Variants in DENND6A observed in about 807,000 individuals in gnomAD.
DENND6A encodes DENN domain containing 6A.
In DENND6A, 43 loss-of-function variants were observed where a neutral mutation model predicts 95.5. That is an observed-to-expected ratio of 0.45 (90% CI 0.35 to 0.58). DENND6A has a LOEUF of 0.58. DENND6A is among the 20% of genes least tolerant of loss of function. DENND6A has a pLI of 0.00. For missense variants in DENND6A, 574 were observed against 736.0 expected, an observed-to-expected ratio of 0.78 and a Z score of 2.55; for synonymous variants, 257 against 260.4, an observed-to-expected ratio of 0.99 and a Z score of 0.13.
Position 57,692,818 on chromosome 3 carries a change from C to A in DENND6A, c.201G>T (p.Val67=). The change falls in exon 1 of 20, where the codon GTG becomes GTT. Residue 67 remains valine (V), a synonymous_variant. Transcript: ENST00000311128. ...GGCCCAGCTCCAGGTCGAAGCCCAC[C>A]ACACACACGCAGTGCAGCCAGGCGG... ...SFSAWLHCVC[V]VGFDLELGQA... 6.4e-7 allele frequency: 1 copy of A among 1,570,716 alleles called. No individual in the cohort carries two copies. Among genetic ancestry groups the A allele is most frequent in the Non-Finnish European group, 8.6e-7 (1 of 1,162,532 alleles).
Position 57,634,690 on chromosome 3 carries a change from A to G in DENND6A, c.1198+14T>C, listed in dbSNP as rs776859766. On this transcript the variant is annotated intron_variant, in intron 13 of 19. Transcript: ENST00000311128. ...CATATAAATATATATTTAAAAATCA[A>G]TAAAAGTCAATACCAGGTTTGGAAT... The G allele has an allele frequency of 3.9e-6, 6 of 1,526,968 alleles. No homozygotes were observed. The Admixed American group carries it at 1.0e-4, about 26-fold the overall frequency. 94.6% of individuals were successfully genotyped at this position (1,526,968 alleles called of 1,614,324 possible).
At chr3:57,645,002 C>T (rs1450743657) in intron 11 of DENND6A, among the ~76,000 whole-genome samples, 2 of 151,394 alleles carry the variant, frequency 1.3e-5, no homozygotes, top group East Asian at 3.9e-4. Flanking sequence ...TTTGTTGTTG[C>T]TTTAGAAATC....
intron 9 of DENND6A, among the ~76,000 whole-genome samples, chr3:57,648,512 AC>A (rs1287350170): frequency 3.3e-5 from 5 of 152,316 alleles, no homozygotes; most frequent in Non-Finnish European, 5.9e-5. Context: ...ACTAGAAAAA[AC>A]AATCCTAAAA....
Position 57,663,710 on chromosome 3 carries a change from G to A in DENND6A, c.439C>T (p.Pro147Ser). The change falls in exon 5 of 20, where the codon CCT becomes TCT. Residue 147 changes from proline to serine, a missense_variant. Physicochemically the swap from Pro to Ser is moderately conservative, Grantham distance 74. Around this residue, in one of 2 missense-constraint regions of DENND6A, gnomAD observed 452 missense variants for 630.9 expected, o/e 0.72. Transcript: ENST00000311128. ...KDLPVYLKKD[P>S]AYFYGYVYFR... ...TACACATATCCATAAAAATAAGCAG[G>A]ATCCTTCTAAGAAGAAAGTGACAAG... The A allele has an allele frequency of 1.9e-6, 3 of 1,569,836 alleles. No individual in the cohort carries two copies. Among genetic ancestry groups the A allele is most frequent in the Admixed American group, 3.6e-5 (2 of 55,888 alleles).
chr3:57,661,779 C>CA, intron 5 of DENND6A, among the ~76,000 whole-genome samples: 1 of 152,156 alleles, frequency 6.6e-6, no homozygotes, highest in Admixed American at 6.5e-5. Flanking sequence ...TCCTGCTCTT[C>CA]AAAAAAAGAA....
intron 12 of DENND6A, 60 bp from the exon 13 acceptor site, chr3:57,634,829 G>A: frequency 1.5e-6 from 2 of 1,346,130 alleles, no homozygotes; most frequent in South Asian, 3.2e-5. Flanking sequence ...TACAAAATTG[G>A]AACTTTATAA....
At chr3:57,649,056 G>A (rs1000389483) in intron 9 of DENND6A, among the ~76,000 whole-genome samples, 2 of 152,110 alleles carry the variant, frequency 1.3e-5, no homozygotes, top group African/African-American at 4.8e-5. Context: ...GAAATAATCA[G>A]CAGAGTAAAC....
At chr3:57,663,784 T>C (rs1468480605) in intron 4 of DENND6A, 68 bp from the exon 5 acceptor site, 1 of 875,876 alleles carries the variant, frequency 1.1e-6, no homozygotes, top group Admixed American at 2.9e-5. Flanking sequence ...TCTATATCCA[T>C]ATCTATATCT....
At chr3:57,636,071 G>A (rs1025142097) in intron 12 of DENND6A, among the ~76,000 whole-genome samples, 2 of 152,158 alleles carry the variant, frequency 1.3e-5, no homozygotes, top group African/African-American at 4.8e-5. Flanking sequence ...CAAAATGTGT[G>A]TTAATTGACT....
At chr3:57,672,836 T>G (rs997181547) in intron 1 of DENND6A, among the ~76,000 whole-genome samples, 2 of 151,454 alleles carry the variant, frequency 1.3e-5, no homozygotes, top group Non-Finnish European at 2.9e-5. Context: ...TCTAAAATAG[T>G]AGTTGGTTAT....
intron 6 of DENND6A, among the ~76,000 whole-genome samples, chr3:57,661,043 T>C (rs1050762882): frequency 1.3e-5 from 2 of 152,184 alleles, no homozygotes; most frequent in Non-Finnish European, 2.9e-5. Context: ...GGATATAAAT[T>C]GGTTAATTTA....
At chr3:57,630,310 A>G (rs1348714003) in intron 18 of DENND6A, 111 bp downstream of exon 18, 5 of 953,860 alleles carry the variant, frequency 5.2e-6, no homozygotes, top group Non-Finnish European at 7.5e-6. Flanking sequence ...AAAGTTAGTC[A>G]TCATTACTAT....
intron 1 of DENND6A, among the ~76,000 whole-genome samples, chr3:57,674,407 T>C (rs1238306819): frequency 1.4e-5 from 2 of 140,326 alleles, no homozygotes; most frequent in Non-Finnish European, 3.0e-5. Flanking sequence ...CCGAGGCAGG[T>C]GGATCACAAG....
At position 57,659,148 on chromosome 3, in the gene DENND6A, C is replaced by T. The variant is rs144403210; in HGVS notation, c.732G>A (p.Gly244=). The T allele has an allele frequency of 8.7e-6, 14 of 1,613,878 alleles. No homozygotes were observed. The African/African-American group carries it at 1.7e-4, about 20-fold the overall frequency. ...GAGTTAACTGCACTATTTGAGTTGT[C>T]CCAGGCTTGTCATGACATGTGGGAA... The part of the protein sequence containing the change: ...VRIPTCHDKP[G]TTQIVQLTQQ... Residue 244 remains glycine (G), a synonymous_variant, in exon 8 of 20, where the codon GGG becomes GGA. Coordinates refer to ENST00000311128, the MANE Select transcript of DENND6A (RefSeq NM_152678.3).
intron 2 of DENND6A, 22 bp downstream of exon 2, chr3:57,672,378 A>G (rs1188352806): frequency 3.1e-6 from 5 of 1,612,590 alleles, no homozygotes; most frequent in Middle Eastern, 3.4e-4. Context: ...AGTAAACTAT[A>G]CAGAGCAGTA....
In DENND6A at chr3:57,630,439, T is replaced by G; in HGVS notation, c.1602A>C (p.Leu534=). The change falls in exon 18 of 20, where the codon CTA becomes CTC. Residue 534 remains leucine (L), a synonymous_variant. Transcript: ENST00000311128. The stretch of plus-strand genomic sequence containing the variant: ...TTCGAACCTCTTCACAAAGAGCTTC[T>G]AGATGGAGTGCCTCCAATTTTTGGG... ...EMTQKLEALH[L]EALCEEDLLL... The G allele has an allele frequency of 6.3e-7, 1 of 1,590,126 alleles. No individual in the cohort carries two copies. Among genetic ancestry groups the G allele is most frequent in the Non-Finnish European group, 8.5e-7 (1 of 1,174,936 alleles).
intron 9 of DENND6A, among the ~76,000 whole-genome samples, chr3:57,651,972 G>C (rs933816609): frequency 6.6e-6 from 1 of 152,150 alleles, no homozygotes; most frequent in Non-Finnish European, 1.5e-5. Flanking sequence ...ACCTAGGTGG[G>C]AGGATCACTT....
intron 1 of DENND6A, among the ~76,000 whole-genome samples, chr3:57,684,054 G>A (rs2077189580): frequency 6.6e-6 from 1 of 150,710 alleles, no homozygotes; most frequent in Admixed American, 6.6e-5. Context: ...TCAGGAGGCT[G>A]AGGCAGAGAA....
intron 3 of DENND6A, among the ~76,000 whole-genome samples, chr3:57,669,982 T>TGAAA (rs2071588667): frequency 7.4e-6 from 1 of 134,388 alleles, no homozygotes; most frequent in Non-Finnish European, 1.5e-5. Context: ...ATCGTGCCAC[T>TGAAA]GCACTCCAGC....
Sources: allele counts gnomAD v4.1 joint callset (sites outside exome capture counted in the v4.1 genomes callset), GRCh38; gene constraint gnomAD v4.1.1; regional missense constraint gnomAD v4.1.1; transcripts MANE v1.5; gene names NCBI Gene and HGNC (gene_info 2026-07-23, HGNC 2026-07-21).